MDGA2: variants seen among roughly 807,000 people sequenced by gnomAD.
MDGA2 encodes MAM domain containing glycosylphosphatidylinositol anchor 2.
Under a neutral mutation model 117.8 loss-of-function variants are expected in MDGA2, and 40 were observed. The observed-to-expected ratio is 0.34, with a 90% CI of 0.26 to 0.44. The LOEUF is 0.44. Among genes scored for constraint, MDGA2 ranks in the 20% least tolerant of loss-of-function variants. MDGA2 has a pLI of 1.00. For missense variants in MDGA2, 1,123 were observed against 1,250.6 expected, an observed-to-expected ratio of 0.90 and a Z score of 1.54; for synonymous variants, 452 against 439.0, an observed-to-expected ratio of 1.03 and a Z score of -0.37.
intron 8 of MDGA2, among the ~76,000 whole-genome samples, chr14:46,998,838 G>A (rs1214914515): frequency 2.0e-5 from 3 of 151,868 alleles, no homozygotes; most frequent in African/African-American, 7.3e-5. Context: ...CTTACAAATT[G>A]GACAAGGAAT....
intron 6 of MDGA2, among the ~76,000 whole-genome samples, chr14:47,065,122 G>A (rs950572396): frequency 6.6e-6 from 1 of 152,132 alleles, no homozygotes; most frequent in Non-Finnish European, 1.5e-5. Context: ...TAGTCTGGCA[G>A]TGCATGTAAA....
chr14:47,633,854 G>A (rs1845018155), intron 1 of MDGA2, among the ~76,000 whole-genome samples: 1 of 152,106 alleles, frequency 6.6e-6, no homozygotes, highest in African/African-American at 2.4e-5. Flanking sequence ...GTTAGCTAAA[G>A]GATCCTGAGT....
intron 8 of MDGA2, among the ~76,000 whole-genome samples, chr14:46,981,914 A>C (rs1401667988): frequency 6.6e-6 from 1 of 152,244 alleles, no homozygotes; most frequent in African/African-American, 2.4e-5. Context: ...AAACAAAATC[A>C]CAGGGTGACA....
intron 3 of MDGA2, among the ~76,000 whole-genome samples, chr14:47,167,039 A>C (rs1883909970): frequency 6.6e-6 from 1 of 152,102 alleles, no homozygotes; most frequent in African/African-American, 2.4e-5. Flanking sequence ...AAAAATTAAC[A>C]ATACTCTCAA....
rs923969698 is a variant in MDGA2 at position 47,675,028 on chromosome 14, C to G, written c.-232G>C. On this transcript the variant is annotated 5_prime_UTR_variant, in exon 1 of 17. Coordinates refer to ENST00000399232, the MANE Select transcript of MDGA2 (RefSeq NM_001113498.3). ...CGGCGCGCTGGGCCGGCGGCGGGCGCGGGCAGGGGGCCGGGGGTGCCGCGC... is the reference window on the plus strand; with the variant it reads ...CGGCGCGCTGGGCCGGCGGCGGGCGGGGGCAGGGGGCCGGGGGTGCCGCGC... 1.8e-5 allele frequency: 4 copies of G among 218,306 alleles called. No individual in the cohort carries two copies. Among genetic ancestry groups the G allele is most frequent in the Non-Finnish European group, 3.5e-5 (4 of 113,308 alleles). The allele number at this position is 218,306 out of a possible 1,614,324, so 13.5% of individuals were successfully genotyped here. A position where few individuals can be genotyped will look rare whatever the true frequency, so the allele number is the denominator to read the frequency against.
At chr14:47,245,191 T>C (rs1887196993) in intron 2 of MDGA2, among the ~76,000 whole-genome samples, 1 of 151,672 alleles carries the variant, frequency 6.6e-6, no homozygotes, top group Admixed American at 6.6e-5. Flanking sequence ...GCCTCACTAA[T>C]TTTTAAATTT....
At chr14:47,548,999 G>C (rs1895521739) in intron 1 of MDGA2, among the ~76,000 whole-genome samples, 1 of 152,036 alleles carries the variant, frequency 6.6e-6, no homozygotes, top group South Asian at 2.1e-4. Flanking sequence ...CTCTACGTGA[G>C]GTAAAAAAAC....
chr14:47,262,114 A>C (rs1275026111), intron 2 of MDGA2, among the ~76,000 whole-genome samples: 1 of 152,176 alleles, frequency 6.6e-6, no homozygotes, highest in Non-Finnish European at 1.5e-5. Context: ...CGACAAGCAG[A>C]TCAGAGAGCT....
At chr14:47,201,006 C>T in intron 3 of MDGA2, 1 of 887,926 alleles carries the variant, frequency 1.1e-6, no homozygotes, top group Non-Finnish European at 1.9e-6. Context: ...ATACGACCAC[C>T]ACTTTCCTGC....
intron 3 of MDGA2, among the ~76,000 whole-genome samples, chr14:47,171,553 T>C (rs1884134390): frequency 2.0e-5 from 3 of 152,308 alleles, no homozygotes; most frequent in South Asian, 4.1e-4. Context: ...AGATTTCTTA[T>C]TGTTCAAAGG....
chr14:47,613,503 A>ACACACACG (rs1896892716), intron 1 of MDGA2, among the ~76,000 whole-genome samples: 1 of 151,316 alleles, frequency 6.6e-6, no homozygotes, highest in South Asian at 2.1e-4. Flanking sequence ...ACACACACAC[A>ACACACACG]CACGCACACG....
At chr14:47,418,904 G>C (rs2138502660) in intron 1 of MDGA2, among the ~76,000 whole-genome samples, 1 of 152,292 alleles carries the variant, frequency 6.6e-6, no homozygotes, top group East Asian at 1.9e-4. Context: ...ACTACTATAA[G>C]TACTCTATGA....
At chr14:47,075,085 T>G (rs1178464974) in intron 6 of MDGA2, among the ~76,000 whole-genome samples, 1 of 152,184 alleles carries the variant, frequency 6.6e-6, no homozygotes, top group Non-Finnish European at 1.5e-5. Flanking sequence ...GTGCCCTTAC[T>G]GTTGGATTTG....
chr14:47,380,665 A>C (rs1489887895), intron 1 of MDGA2, among the ~76,000 whole-genome samples: 4 of 152,124 alleles, frequency 2.6e-5, no homozygotes, highest in African/African-American at 9.7e-5. Context: ...AACCAGGAAG[A>C]ATCTGAATCC....
At chr14:47,420,408 C>A (rs114199748) in intron 1 of MDGA2, among the ~76,000 whole-genome samples, 2,342 of 152,144 alleles carry the variant, frequency 0.015, 64 homozygotes, top group African/African-American at 0.054. Flanking sequence ...CCAATAAATT[C>A]TTTATTTGGG....
chr14:47,083,455 A>C (rs927006586), intron 6 of MDGA2, among the ~76,000 whole-genome samples: 2 of 140,502 alleles, frequency 1.4e-5, no homozygotes, highest in South Asian at 2.5e-4. Flanking sequence ...GGAAAAGTAC[A>C]CTACTCTATA....
chr14:47,298,513 C>A (rs938573775), intron 2 of MDGA2, among the ~76,000 whole-genome samples: 2 of 152,010 alleles, frequency 1.3e-5, no homozygotes, highest in Non-Finnish European at 2.9e-5. Flanking sequence ...TCAGATTAGA[C>A]CAAGCGAGAA....
chr14:47,136,256 T>C (rs1882450587), intron 4 of MDGA2, among the ~76,000 whole-genome samples: 1 of 151,064 alleles, frequency 6.6e-6, no homozygotes, highest in Non-Finnish European at 1.5e-5. Flanking sequence ...TGGAGTGCAG[T>C]GGCGCAACCT....
chr14:47,000,749 C>T (rs902212603), intron 8 of MDGA2, among the ~76,000 whole-genome samples: 5 of 151,550 alleles, frequency 3.3e-5, no homozygotes, highest in African/African-American at 7.3e-5. Context: ...GATTCATAAT[C>T]GTGGTGTTTT....
Sources: gnomAD v4.1 joint callset for allele counts (sites outside exome capture counted in the v4.1 genomes callset) on GRCh38, gnomAD v4.1.1 for gene constraint, MANE v1.5 for transcripts, NCBI Gene and HGNC (gene_info 2026-07-23, HGNC 2026-07-21) for gene names.